PLCB3: variants seen among roughly 807,000 people sequenced by gnomAD.
The protein encoded by PLCB3 is phospholipase C beta 3, also known as 1-phosphatidylinositol 4,5-bisphosphate phosphodiesterase beta-3.
Under a neutral mutation model 152.1 loss-of-function variants are expected in PLCB3, and 54 were observed. The observed-to-expected ratio is 0.36, with a 90% confidence interval of 0.29 to 0.45. The LOEUF is 0.45. PLCB3 is among the 20% of genes least tolerant of loss of function. The pLI, the probability that PLCB3 is intolerant of heterozygous loss-of-function variation, is 1.00. For missense variants in PLCB3, 1,248 were observed against 1,687.5 expected, an observed-to-expected ratio of 0.74 and a Z score of 4.56; for synonymous variants, 717 against 698.7, an observed-to-expected ratio of 1.03 and a Z score of -0.41.
chr11:64,269,188 CACT>C (rs1278867519), downstream of PLCB3: 1 of 152,566 alleles, frequency 6.6e-6, no homozygotes, highest in Admixed American at 6.5e-5. Flanking sequence ...TCCATGGGTC[CACT>C]CCTCCTTGCG....
rs563454490 is a variant in PLCB3 at position 64,257,859 on chromosome 11, G to A, written c.1013-614G>A. ...GAAGGATGATGCCAGGTGCTCTATA[G>A]AGATTGGATTGAGGCCAGGCACAGT... On this transcript the variant is annotated intron_variant, in intron 10 of 30. Transcript: ENST00000279230. 2.0e-5 allele frequency among the ~76,000 whole-genome samples: 3 copies of A among 152,120 alleles called. No homozygotes were observed. In the South Asian group the frequency reaches 6.2e-4, roughly 32 times the overall value.
In PLCB3 at chr11:64,265,018, A is replaced by ACC; in HGVS notation, c.2723_2724dup (p.Thr909ProfsTer105). 6.2e-7 allele frequency: 1 copy of ACC among 1,604,078 alleles called. No homozygotes were observed. The highest frequency in any genetic ancestry group is 2.2e-5 in the East Asian group (1 of 44,612). Reference sequence around the variant, plus strand: ...CAGCTGGGGTCTCAGCCGTCCTCAAACCCCACCCCCAGCCCACTGGATGCC... The same window carrying ACC: ...CAGCTGGGGTCTCAGCCGTCCTCAAACCCCCCACCCCCAGCCCACTGGATGCC... On this transcript the variant is annotated frameshift_variant, in exon 23 of 31. Coordinates refer to ENST00000279230, the MANE Select transcript of PLCB3 (RefSeq NM_000932.5). LOFTEE classifies it high-confidence loss of function.
chr11:64,258,936 C>A lies in PLCB3; in HGVS notation c.1305C>A (p.Asp435Glu). 6.2e-7 allele frequency: 1 copy of A among 1,613,934 alleles called. No individual in the cohort carries two copies. The highest frequency in any genetic ancestry group is 8.5e-7 in the Non-Finnish European group (1 of 1,179,990). ...AGTACTGCCGCTCCATCTTTGGAGACGCGCTACTCATCGAGCCTCTGGACA... is the reference window on the plus strand; with the variant it reads ...AGTACTGCCGCTCCATCTTTGGAGAAGCGCTACTCATCGAGCCTCTGGACA... The part of the protein sequence containing the change: ...MAEYCRSIFG[D>E]ALLIEPLDKY... Residue 435 changes from aspartate (D) to glutamate (E), a missense_variant, in exon 12 of 31, where the codon GAC becomes GAA. Physicochemically the swap from Asp to Glu is conservative, Grantham distance 45. This residue lies in a region of PLCB3 where 122 missense variants were observed against 221.8 expected (regional missense o/e 0.55). Transcript: ENST00000279230. This position sits in a 1 kb window ranked among gnomAD's most constrained non-coding sequence, Gnocchi z 7.2.
chr11:64,262,600 G>A, intron 18 of PLCB3, 39 bp downstream of exon 18: 2 of 1,612,462 alleles, frequency 1.2e-6, no homozygotes, highest in Admixed American at 1.7e-5. Flanking sequence ...GGTGTCCTGG[G>A]GGCAGGACTC....
intron 1 of PLCB3, among the ~76,000 whole-genome samples, chr11:64,253,921 G>A (rs2031372430): frequency 6.6e-6 from 1 of 152,202 alleles, no homozygotes; most frequent in South Asian, 2.1e-4. Flanking sequence ...CTATCGTGAT[G>A]TCCCAAGGGA....
Position 64,262,742 on chromosome 11 carries a change from C to T in PLCB3, c.2289C>T (p.Arg763=), listed in dbSNP as rs374558575. The change falls in exon 19 of 31, where the codon CGC becomes CGT. Residue 763 remains arginine, a synonymous_variant. Coordinates refer to ENST00000279230, the MANE Select transcript of PLCB3 (RefSeq NM_000932.5). The part of the protein sequence containing the change: ...GLPVDTRRKY[R]TRTSQGNSFN... ...CTGTTGATACGCGGCGCAAGTACCG[C>T]ACCCGGACCTCTCAGGGGAACTCGT... 24 of 1,613,770 alleles carry T rather than the reference C, an allele frequency of 1.5e-5. No individual in the cohort carries two copies. The highest frequency in any genetic ancestry group is 1.9e-5 in the Non-Finnish European group (23 of 1,180,010).
In PLCB3 at chr11:64,264,078, C is replaced by T. The variant is rs772766671; in HGVS notation, c.2618C>T (p.Ala873Val). The T allele has an allele frequency of 6.4e-7, 1 of 1,557,224 alleles. No homozygotes were observed. Among genetic ancestry groups the T allele is most frequent in the Admixed American group, 2.0e-5 (1 of 50,216 alleles). ...CACGTCAGCCTGATGGACCAGAGGG[C>T]CCGGCAGCTGGCCGCCCTCATTGGG... The part of the protein sequence containing the change: ...IKHVSLMDQR[A>V]RQLAALIGES... Residue 873 changes from alanine to valine, a missense_variant, in exon 22 of 31, where the codon GCC (alanine) becomes GTC (valine). By Grantham distance (64) the Ala-to-Val change is moderately conservative. Around this residue, in one of 6 missense-constraint regions of PLCB3, gnomAD observed 477 missense variants for 489.6 expected, o/e 0.97. Coordinates refer to ENST00000279230, the MANE Select transcript of PLCB3 (RefSeq NM_000932.5).
chr11:64,267,616 A>G lies in PLCB3; in HGVS notation c.*60A>G, dbSNP rs1287401058. On this transcript the variant is annotated 3_prime_UTR_variant, in exon 31 of 31. Transcript: ENST00000279230. This position sits in a 1 kb window ranked among gnomAD's most constrained non-coding sequence, Gnocchi z 5.2. ...GGCGCTGGGTGGAGGGCAGGAGGCA[A>G]TGACACTAATGCTTTTTTTTTTTTT... The G allele has an allele frequency of 1.2e-5, 14 of 1,145,994 alleles. No individual in the cohort carries two copies. In the South Asian group the frequency reaches 2.0e-4, roughly 16 times the overall value. 71.0% of individuals were successfully genotyped at this position (1,145,994 alleles called of 1,614,324 possible). A position where few individuals can be genotyped will look rare whatever the true frequency, so the allele number is the denominator to read the frequency against.
intron 8 of PLCB3, among the ~76,000 whole-genome samples, 192 bp downstream of exon 8, chr11:64,256,013 C>T (rs1258049350): frequency 6.6e-6 from 1 of 152,140 alleles, no homozygotes; most frequent in African/African-American, 2.4e-5. Context: ...CCCTCAGTTA[C>T]AGGCAGCTCT....
At chr11:64,264,837 G>A (rs957723269) in intron 22 of PLCB3, 114 bp from the exon 23 acceptor site, 21 of 938,100 alleles carry the variant, frequency 2.2e-5, no homozygotes, top group Non-Finnish European at 3.3e-5. Context: ...TCCAGCAGTG[G>A]CTTGGACTAA....
chr11:64,265,879 C>G lies in PLCB3; in HGVS notation c.3036-7C>G. ...CCAGGCATCACCCAGAGGGGTTCTC[C>G]TCGCAGAGGTGGGGCCGCTGATGTG... is the stretch of plus-strand genomic sequence containing the variant. On this transcript the variant is annotated splice_polypyrimidine_tract_variant and splice_region_variant and intron_variant, in intron 25 of 30. Coordinates refer to ENST00000279230, the MANE Select transcript of PLCB3 (RefSeq NM_000932.5). 1 of 1,611,692 alleles carries G rather than the reference C, an allele frequency of 6.2e-7. No individual in the cohort carries two copies. Among genetic ancestry groups the G allele is most frequent in the Non-Finnish European group, 8.5e-7 (1 of 1,179,600 alleles).
intron 10 of PLCB3, 26 bp downstream of exon 10, chr11:64,256,790 CGTGACCTCTGCCCT>C: frequency 5.6e-6 from 9 of 1,610,114 alleles, no homozygotes; most frequent in Non-Finnish European, 7.6e-6. Flanking sequence ...GGGTGGCACC[CGTGACCTCTGCCCT>C]GTGACCCTTG....
chr11:64,264,122 G>C lies in PLCB3; in HGVS notation c.2652+10G>C. ...CATTGGGGAGAGTGAGGTGAGCCGG[G>C]GCAGGGCAGGGCTCAGGCTCACTGT... On this transcript the variant is annotated intron_variant, in intron 22 of 30. Coordinates refer to ENST00000279230, the MANE Select transcript of PLCB3 (RefSeq NM_000932.5). 6.6e-7 allele frequency: 1 copy of C among 1,512,912 alleles called. No homozygotes were observed. The highest frequency in any genetic ancestry group is 8.9e-7 in the Non-Finnish European group (1 of 1,129,142). The allele number at this position is 1,512,912 out of a possible 1,614,324, so 93.7% of individuals were successfully genotyped here.
downstream of PLCB3, chr11:64,268,728 A>G (rs1482311693): frequency 6.6e-6 from 1 of 152,306 alleles, no homozygotes; most frequent in Non-Finnish European, 1.5e-5. Flanking sequence ...GCACCTCTTC[A>G]AGGCCTCTCC....
Position 64,262,223 on chromosome 11 carries a change from C to T in PLCB3, c.2038+147C>T, listed in dbSNP as rs538326378. 3.3e-5 allele frequency: 43 copies of T among 1,323,030 alleles called. No individual in the cohort carries two copies. The East Asian group carries it at 9.3e-4, about 29-fold the overall frequency. 82.0% of individuals were successfully genotyped at this position (1,323,030 alleles called of 1,614,324 possible). A position where few individuals can be genotyped will look rare whatever the true frequency, so the allele number is the denominator to read the frequency against. The stretch of plus-strand genomic sequence containing the variant: ...CCCAGCTCCCGACTCACCCCGCCTC[C>T]TGCCCTTGGCTGATACCAGACCCCT... On this transcript the variant is annotated intron_variant, in intron 17 of 30. Coordinates refer to ENST00000279230, the MANE Select transcript of PLCB3 (RefSeq NM_000932.5).
intron 17 of PLCB3, 103 bp from the exon 18 acceptor site, chr11:64,262,304 A>G: frequency 6.9e-7 from 1 of 1,448,830 alleles, no homozygotes; most frequent in South Asian, 1.2e-5. Context: ...CCCGCCCCTG[A>G]CCCTGGACCT....
chr11:64,262,746 C>T lies in PLCB3; in HGVS notation c.2293C>T (p.Arg765Trp), dbSNP rs1006609373. The change falls in exon 19 of 31, where the codon CGG (arginine) becomes TGG (tryptophan). Residue 765 changes from arginine (R) to tryptophan (W), a missense_variant. Transcript: ENST00000279230. ...TGATACGCGGCGCAAGTACCGCACC[C>T]GGACCTCTCAGGGGAACTCGTTCAA... Reference protein sequence around the residue: ...PVDTRRKYRTRTSQGNSFNPV... With the variant: ...PVDTRRKYRTWTSQGNSFNPV... The T allele has an allele frequency of 1.2e-6, 2 of 1,613,856 alleles. No homozygotes were observed. The highest frequency in any genetic ancestry group is 1.7e-6 in the Non-Finnish European group (2 of 1,180,030).
At chr11:64,262,594 T>C (rs375747435) in intron 18 of PLCB3, 33 bp downstream of exon 18, 1 of 1,612,184 alleles carries the variant, frequency 6.2e-7, no homozygotes, top group African/African-American at 1.3e-5. Context: ...GCCAGGGGTG[T>C]CCTGGGGGCA....
chr11:64,267,292 G>T lies in PLCB3; in HGVS notation c.3501+21G>T. ...CCAAGGTGAGGCCATGGGCGAACAGGTGGGCAGACGGGGTGCAAGGCAGCC... is the reference window on the plus strand; with the variant it reads ...CCAAGGTGAGGCCATGGGCGAACAGTTGGGCAGACGGGGTGCAAGGCAGCC... On this transcript the variant is annotated intron_variant, in intron 30 of 30. Transcript: ENST00000279230. This position sits in a 1 kb window ranked among gnomAD's most constrained non-coding sequence, Gnocchi z 5.2. 1 of 1,550,882 alleles carries T rather than the reference G, an allele frequency of 6.4e-7. No homozygotes were observed.
Sources: allele counts gnomAD v4.1 joint callset (sites outside exome capture counted in the v4.1 genomes callset), GRCh38; gene constraint gnomAD v4.1.1; regional missense constraint gnomAD v4.1.1; non-coding constraint Gnocchi (gnomAD v3.1); transcripts MANE v1.5; gene names NCBI Gene and HGNC (gene_info 2026-07-23, HGNC 2026-07-21).